Variants in NRXN1 observed in about 807,000 individuals in gnomAD.
The protein encoded by NRXN1 is neurexin 1, also known as neurexin-1.
A neutral mutation model predicts 150.9 loss-of-function variants in NRXN1; 39 were observed. The ratio of observed to expected loss-of-function variants is 0.26; its 90% CI spans 0.20 to 0.34. The LOEUF is 0.34. NRXN1 is among the 10% of genes least tolerant of loss of function. The pLI, the probability that NRXN1 is intolerant of heterozygous loss-of-function variation, is 1.00. For missense variants in NRXN1, 1,815 were observed against 1,949.9 expected (o/e 0.93, Z 1.30); for synonymous variants, 924 against 757.0 (o/e 1.22, Z -3.62).
chr2:50,388,749 A>G (rs2081490572), intron 17 of NRXN1, among the ~76,000 whole-genome samples: 1 of 152,124 alleles, frequency 6.6e-6, no homozygotes, highest in Non-Finnish European at 1.5e-5. Context: ...TTTTCTTATC[A>G]TATTTCAGAG....
intron 8 of NRXN1, among the ~76,000 whole-genome samples, chr2:50,598,240 C>T (rs898286466): frequency 9.9e-5 from 15 of 151,952 alleles, no homozygotes; most frequent in Non-Finnish European, 1.5e-4. Flanking sequence ...TTTGCCTGCC[C>T]TTATCCAGTA....
chr2:50,487,972 G>A (rs1490443395), intron 15 of NRXN1, among the ~76,000 whole-genome samples: 2 of 152,142 alleles, frequency 1.3e-5, no homozygotes, highest in African/African-American at 2.4e-5. Context: ...TATAAACAAA[G>A]TCTCTGTCTC....
At chr2:50,584,965 C>A (rs1239750301) in intron 8 of NRXN1, among the ~76,000 whole-genome samples, 1 of 152,096 alleles carries the variant, frequency 6.6e-6, no homozygotes, top group Non-Finnish European at 1.5e-5. Flanking sequence ...ATGGTCACTG[C>A]AGTTTGATGC....
intron 18 of NRXN1, among the ~76,000 whole-genome samples, chr2:50,126,866 A>G (rs79115373): frequency 0.012 from 1,797 of 152,202 alleles, 37 homozygotes; most frequent in African/African-American, 0.041. Flanking sequence ...TTTAAATTAT[A>G]TATTTCATTA....
At chr2:50,358,955 C>A (rs1441051020) in intron 17 of NRXN1, among the ~76,000 whole-genome samples, 1 of 152,098 alleles carries the variant, frequency 6.6e-6, no homozygotes, top group Non-Finnish European at 1.5e-5. Context: ...CTGGAGCGGA[C>A]CCCCCAGCAA....
chr2:50,627,932 A>G (rs1681464773), intron 5 of NRXN1, among the ~76,000 whole-genome samples: 1 of 151,428 alleles, frequency 6.6e-6, no homozygotes, highest in Admixed American at 6.6e-5. Context: ...AAAAAAAGAG[A>G]AAAAAAACTG....
At chr2:51,029,732 T>C (rs1671180262) in intron 1 of NRXN1, among the ~76,000 whole-genome samples, 1 of 152,234 alleles carries the variant, frequency 6.6e-6, no homozygotes, top group African/African-American at 2.4e-5. Context: ...TCTTGCAAAA[T>C]TTCACACAAG....
At chr2:50,674,658 CA>C (rs1378016399) in intron 5 of NRXN1, among the ~76,000 whole-genome samples, 2 of 151,796 alleles carry the variant, frequency 1.3e-5, no homozygotes, top group African/African-American at 4.8e-5. Context: ...GTAGAAAGGG[CA>C]GAACTTTGTG....
chr2:50,401,434 C>G (rs1423575661), intron 17 of NRXN1, among the ~76,000 whole-genome samples: 1 of 152,064 alleles, frequency 6.6e-6, no homozygotes, highest in Non-Finnish European at 1.5e-5. Flanking sequence ...GGTTTGATAA[C>G]TGGGGACTTG....
chr2:50,445,566 T>C (rs2086328147), intron 17 of NRXN1, among the ~76,000 whole-genome samples: 1 of 152,112 alleles, frequency 6.6e-6, no homozygotes, highest in African/African-American at 2.4e-5. Context: ...GACTACAAAC[T>C]CCATGAGGGG....
chr2:50,789,975 G>A (rs1375327802), intron 5 of NRXN1, among the ~76,000 whole-genome samples: 3 of 152,070 alleles, frequency 2.0e-5, no homozygotes, highest in Non-Finnish European at 2.9e-5. Context: ...AGCAGGATTG[G>A]CTCTTATCAT....
At chr2:50,149,983 C>T (rs548532820) in intron 18 of NRXN1, among the ~76,000 whole-genome samples, 1 of 151,868 alleles carries the variant, frequency 6.6e-6, no homozygotes, top group African/African-American at 2.4e-5. Flanking sequence ...TTATATAATT[C>T]AAACCACCCC....
rs554203952 is a variant in NRXN1 at position 50,268,960 on chromosome 2, T to G, written c.3365-31990A>C. On this transcript the variant is annotated intron_variant, in intron 17 of 22. Transcript: ENST00000401669. ...AAAAACTGATGCCTAGACAGGTGAG[T>G]AATGCCAAGCAGACTATGCAAGCTC... is the stretch of plus-strand genomic sequence containing the variant. 9.9e-5 allele frequency among the ~76,000 whole-genome samples: 15 copies of G among 152,216 alleles called. No individual in the cohort carries two copies. In the East Asian group the frequency reaches 2.9e-3, roughly 29 times the overall value.
chr2:50,974,601 C>T (rs907335251), intron 2 of NRXN1, among the ~76,000 whole-genome samples: 1 of 152,044 alleles, frequency 6.6e-6, no homozygotes, highest in South Asian at 2.1e-4. Context: ...CTGTTCTGAA[C>T]AAGTCAGCTC....
chr2:50,883,172 C>A (rs1679711286), intron 5 of NRXN1, among the ~76,000 whole-genome samples: 1 of 151,718 alleles, frequency 6.6e-6, no homozygotes, highest in Non-Finnish European at 1.5e-5. Flanking sequence ...ATTCTATTTG[C>A]AATTTTCTTT....
intron 17 of NRXN1, among the ~76,000 whole-genome samples, chr2:50,316,033 T>C (rs1575056598): frequency 6.6e-6 from 1 of 152,196 alleles, no homozygotes; most frequent in East Asian, 1.9e-4. Context: ...GTAGTATGCC[T>C]GATAATGCTT....
intron 5 of NRXN1, among the ~76,000 whole-genome samples, chr2:50,780,957 A>T (rs762976507): frequency 3.3e-5 from 5 of 152,198 alleles, no homozygotes; most frequent in Admixed American, 3.3e-4. Context: ...GCCATAGACT[A>T]TAAAGGGTCT....
Position 50,414,650 on chromosome 2 carries a change from A to G in NRXN1, c.3364+50792T>C, listed in dbSNP as rs145846175. Among the ~76,000 whole-genome samples, 173 of 152,150 alleles carry G rather than the reference A, an allele frequency of 1.1e-3. 2 individuals carry two copies. Among genetic ancestry groups the G allele is most frequent in the African/African-American group, 3.8e-3 (159 of 41,562 alleles). ...CATACTAAAAATCATAATCACTCCT[A>G]AAGTGTAGTAAGTCCCTCGGAAAAT... is the stretch of plus-strand genomic sequence containing the variant. On this transcript the variant is annotated intron_variant, in intron 17 of 22. Transcript: ENST00000401669.
chr2:50,215,035 C>T (rs562904345), intron 18 of NRXN1, among the ~76,000 whole-genome samples: 4 of 151,954 alleles, frequency 2.6e-5, no homozygotes, highest in South Asian at 2.1e-4. Context: ...AGACAGATGG[C>T]GGCAACCCTC....
Sources: gnomAD v4.1 joint callset for allele counts (sites outside exome capture counted in the v4.1 genomes callset) on GRCh38, gnomAD v4.1.1 for gene constraint, MANE v1.5 for transcripts, NCBI Gene and HGNC (gene_info 2026-07-23, HGNC 2026-07-21) for gene names.